MAP7D2: variants seen among roughly 807,000 people sequenced by gnomAD.
MAP7D2 encodes the protein MAP7 domain-containing protein 2.
A neutral mutation model predicts 63.5 loss-of-function variants in MAP7D2; 33 were observed. The observed-to-expected ratio is 0.52, with a 90% CI of 0.39 to 0.70. MAP7D2 has a LOEUF of 0.70. Among genes scored for constraint, MAP7D2 ranks in the 30% least tolerant of loss-of-function variants. MAP7D2 has a pLI of 0.00. For synonymous variants in MAP7D2, 224 were observed against 223.7 expected, an observed-to-expected ratio of 1.00 and a Z score of -0.01; for missense variants, 626 against 604.0, an observed-to-expected ratio of 1.04 and a Z score of -0.38.
chrX:20,023,931 G>T (rs1435046623), intron 10 of MAP7D2, among the ~76,000 whole-genome samples: 1 of 112,078 alleles, frequency 8.9e-6, no homozygotes, highest in Non-Finnish European at 1.9e-5. Flanking sequence ...TTCAAGAAGG[G>T]ACTGTCGAGA....
chrX:20,072,812 A>G (rs866610184), intron 1 of MAP7D2, among the ~76,000 whole-genome samples: 6 of 112,111 alleles, frequency 5.4e-5, no homozygotes, highest in Non-Finnish European at 7.5e-5. Context: ...ATACATCCAT[A>G]CAATGAAATA....
chrX:20,089,765 GC>G (rs1475926139), intron 1 of MAP7D2, among the ~76,000 whole-genome samples: 2 of 112,326 alleles, frequency 1.8e-5, no homozygotes, highest in Admixed American at 9.4e-5. Flanking sequence ...TATTTCTGTA[GC>G]TGAAATGGGT....
intron 1 of MAP7D2, among the ~76,000 whole-genome samples, chrX:20,073,381 A>G (rs2065555480): frequency 9.0e-6 from 1 of 111,721 alleles, no homozygotes; most frequent in Non-Finnish European, 1.9e-5. Context: ...TATTTTTAAA[A>G]GGGGATGAAA....
At chrX:20,020,445 TCAA>T (rs755057443) in intron 10 of MAP7D2, among the ~76,000 whole-genome samples, 215 of 111,732 alleles carry the variant, frequency 1.9e-3, no homozygotes, top group Non-Finnish European at 3.4e-3. Context: ...ATCCTACTTC[TCAA>T]CAATTTCCCT....
At chrX:20,080,263 C>A (rs1239113948) in intron 1 of MAP7D2, among the ~76,000 whole-genome samples, 1 of 110,738 alleles carries the variant, frequency 9.0e-6, no homozygotes, top group Non-Finnish European at 1.9e-5. Context: ...GCCTTCTTCC[C>A]TGTGCGGTGG....
intron 5 of MAP7D2, chrX:20,052,533 T>C (rs2064974885): frequency 4.2e-6 from 1 of 240,260 alleles, no homozygotes; most frequent in Admixed American, 5.5e-5. Context: ...CTGTATTCCA[T>C]CATTGACCAG....
intron 1 of MAP7D2, among the ~76,000 whole-genome samples, chrX:20,091,345 G>A (rs1057468573): frequency 1.9e-5 from 2 of 105,811 alleles, no homozygotes; most frequent in Non-Finnish European, 3.9e-5. Context: ...GAGCCACCGT[G>A]CCCGGCCCAG....
chrX:20,104,336 T>A lies in MAP7D2; in HGVS notation c.130+12414A>T, dbSNP rs185519718. On this transcript the variant is annotated intron_variant, in intron 1 of 16. Transcript: ENST00000379643. ...ATGTTTTTGAGACAGAGTCTCGCTA[T>A]GTAGCCCAGGCTGGAGTACAGTGGC... Among the ~76,000 whole-genome samples the A allele has an allele frequency of 6.6e-3, 742 of 112,995 alleles. 11 individuals carry two copies. Among genetic ancestry groups the A allele is most frequent in the Admixed American group, 0.065 (698 of 10,740 alleles).
At chrX:20,036,276 T>G (rs1227960129) in intron 8 of MAP7D2, among the ~76,000 whole-genome samples, 3 of 110,469 alleles carry the variant, frequency 2.7e-5, no homozygotes, top group African/African-American at 9.9e-5. Flanking sequence ...AGACGGAGTC[T>G]TGCACTGTTG....
intron 1 of MAP7D2, among the ~76,000 whole-genome samples, chrX:20,080,782 G>C (rs1329851004): frequency 9.0e-6 from 1 of 111,586 alleles, no homozygotes; most frequent in Admixed American, 9.6e-5. Flanking sequence ...GAGAGGGAAA[G>C]GATGCAAACA....
rs139268147 is a variant in MAP7D2, at chrX:20,028,239, C to A, written c.1008-2287G>T. Among the ~76,000 whole-genome samples the A allele has an allele frequency of 6.9e-3, 779 of 112,087 alleles. 3 individuals carry two copies. The highest frequency in any genetic ancestry group is 0.015 in the Admixed American group (155 of 10,638). ...CCCACAGTGAACTAAGCCACAGAGCCTTCTTACAGCTCTGCTCTACTTCCT... is the reference window on the plus strand; with the variant it reads ...CCCACAGTGAACTAAGCCACAGAGCATTCTTACAGCTCTGCTCTACTTCCT... On this transcript the variant is annotated intron_variant, in intron 8 of 16. Coordinates refer to ENST00000379643, the MANE Select transcript of MAP7D2 (RefSeq NM_001168465.2).
At chrX:20,097,214 A>C (rs2066295415) in intron 1 of MAP7D2, among the ~76,000 whole-genome samples, 1 of 112,586 alleles carries the variant, frequency 8.9e-6, no homozygotes, top group Non-Finnish European at 1.9e-5. Context: ...AAGTAGCCAC[A>C]CATGGAATTA....
rs539620594 is a variant in MAP7D2 at position 20,087,879 on chromosome X, CTTTTTTTTTTTTTT to C, written c.131-23088_131-23075del. Reference sequence around the variant, plus strand: ...ATGGATCCAGCAACTAATTTCTTTTCTTTTTTTTTTTTTTTTTTTTTTTTTTTTTGAGACGGAGT... The same window carrying C: ...ATGGATCCAGCAACTAATTTCTTTTCTTTTTTTTTTTTTTTGAGACGGAGT... On this transcript the variant is annotated intron_variant, in intron 1 of 16. Transcript: ENST00000379643. 3.5e-3 allele frequency among the ~76,000 whole-genome samples: 183 copies of C among 52,858 alleles called. 1 individual carries two copies. The highest frequency in any genetic ancestry group is 4.4e-3 in the Non-Finnish European group (137 of 31,272). The allele number at this position is 52,858 out of a possible 115,157, so 45.9% of individuals were successfully genotyped here.
chrX:20,028,763 G>A (rs749516396), intron 8 of MAP7D2, among the ~76,000 whole-genome samples: 14 of 112,124 alleles, frequency 1.2e-4, no homozygotes, highest in Admixed American at 4.7e-4. Context: ...GGATTGTCAC[G>A]TGAATGATAT....
At chrX:20,041,740 G>A (rs1905662735) in intron 8 of MAP7D2, among the ~76,000 whole-genome samples, 1 of 112,118 alleles carries the variant, frequency 8.9e-6, no homozygotes, top group African/African-American at 3.2e-5. Flanking sequence ...ACTGGACTGA[G>A]TTATTTACTG....
chrX:20,022,440 C>T lies in MAP7D2; in HGVS notation c.1412+2511G>A, dbSNP rs188775260. ...TTGAGAAAGGTCAGTGTGGGCCCAGCGTGGACAGGGGACAAACTCTAGGAG... is the reference window on the plus strand; with the variant it reads ...TTGAGAAAGGTCAGTGTGGGCCCAGTGTGGACAGGGGACAAACTCTAGGAG... On this transcript the variant is annotated intron_variant, in intron 10 of 16. Transcript: ENST00000379643. 2.6e-3 allele frequency among the ~76,000 whole-genome samples: 283 copies of T among 110,820 alleles called. 1 individual carries two copies. The highest frequency in any genetic ancestry group is 3.8e-3 in the Non-Finnish European group (199 of 52,900).
intron 3 of MAP7D2, among the ~76,000 whole-genome samples, chrX:20,056,994 C>T (rs972956775): frequency 6.2e-5 from 7 of 112,106 alleles, no homozygotes; most frequent in Non-Finnish European, 1.3e-4. Context: ...CTAGCACTGG[C>T]TCTCAACCTA....
intron 7 of MAP7D2, 23 bp downstream of exon 7, chrX:20,044,341 T>G (rs1313428072): frequency 8.3e-7 from 1 of 1,199,595 alleles, no homozygotes; most frequent in Non-Finnish European, 1.1e-6. Context: ...GAGGAGTGAG[T>G]GGGTGGGTGG....
intron 11 of MAP7D2, among the ~76,000 whole-genome samples, chrX:20,015,795 A>G (rs770421044): frequency 1.3e-4 from 15 of 112,242 alleles, no homozygotes; most frequent in Non-Finnish European, 2.1e-4. Flanking sequence ...ACATGCATCA[A>G]TGCACTTACA....
Sources: allele counts gnomAD v4.1 joint callset (sites outside exome capture counted in the v4.1 genomes callset), GRCh38; gene constraint gnomAD v4.1.1; transcripts MANE v1.5; gene names NCBI Gene and HGNC (gene_info 2026-07-23, HGNC 2026-07-21).